MRE11: variants seen among roughly 807,000 people sequenced by gnomAD.
MRE11 encodes the protein double-strand break repair protein MRE11.
In MRE11, 62 loss-of-function variants were observed where a neutral mutation model predicts 91.7. The observed-to-expected ratio is 0.68, with a 90% CI of 0.55 to 0.84. The LOEUF (loss-of-function observed/expected upper bound fraction) is 0.84. Ranked by LOEUF, MRE11 falls within the 40% of genes least tolerant of loss-of-function variation. The pLI, the probability that MRE11 is intolerant of heterozygous loss-of-function variation, is 0.00. For synonymous variants in MRE11, 273 were observed against 271.4 expected (o/e 1.01, Z -0.06); for missense variants, 796 against 852.9 (o/e 0.93, Z 0.83).
the MRE11 span, among the ~76,000 whole-genome samples, chr11:94,502,195 C>T: frequency 1.3e-5 from 2 of 152,218 alleles, no homozygotes; most frequent in Non-Finnish European, 2.9e-5. Context: ...AGAACTTACA[C>T]GGATTGCCCA....
intron 4 of MRE11, 69 bp downstream of exon 4, chr11:94,485,855 G>A: frequency 1.4e-6 from 2 of 1,460,574 alleles, no homozygotes; most frequent in Non-Finnish European, 1.9e-6. Context: ...ACAGTTGTGT[G>A]TTTACGTGTC....
At chr11:94,439,198 G>T (rs955861450) in intron 16 of MRE11, among the ~76,000 whole-genome samples, 1 of 151,978 alleles carries the variant, frequency 6.6e-6, no homozygotes, top group Non-Finnish European at 1.5e-5. Flanking sequence ...CAGAGATCTA[G>T]AAGTTACAGT....
At chr11:94,421,939 T>A (rs1945181939) in intron 19 of MRE11, among the ~76,000 whole-genome samples, 1 of 152,164 alleles carries the variant, frequency 6.6e-6, no homozygotes, top group Non-Finnish European at 1.5e-5. Flanking sequence ...GGGATATAGA[T>A]TTTCAGTTTT....
chr11:94,419,454 G>A lies in MRE11; in HGVS notation c.*671C>T, dbSNP rs538218500. On this transcript the variant is annotated 3_prime_UTR_variant, in exon 20 of 20. Transcript: ENST00000323929. ...AAAGGAGAAAGGAAGAGTGGGGAAC[G>A]GGGGGGAGAGGGAGAGAGAGAGAGA... 2.3e-4 allele frequency: 52 copies of A among 223,048 alleles called. No individual in the cohort carries two copies. The highest frequency in any genetic ancestry group is 3.9e-4 in the Non-Finnish European group (45 of 114,592). 13.8% of individuals were successfully genotyped at this position (223,048 alleles called of 1,614,324 possible).
chr11:94,435,984 A>C, intron 17 of MRE11, 85 bp from the exon 18 acceptor site: 1 of 1,242,360 alleles, frequency 8.0e-7, no homozygotes, highest in South Asian at 1.2e-5. Flanking sequence ...TTACACGATT[A>C]AATCTTAAGT....
rs192283527 is a variant in MRE11 at position 94,424,706 on chromosome 11, A to G, written c.2071-4525T>C. Among the ~76,000 whole-genome samples the G allele has an allele frequency of 3.5e-3, 526 of 152,358 alleles. 3 individuals are homozygous for G. Among genetic ancestry groups the G allele is most frequent in the Middle Eastern group, 0.01 (3 of 294 alleles). ...CTACAAGGATTTCATAATACAACTG[A>G]AAGTATTAACAACATAACAGACCAA... On this transcript the variant is annotated intron_variant, in intron 19 of 19. Coordinates refer to ENST00000323929, the MANE Select transcript of MRE11 (RefSeq NM_005591.4).
chr11:94,488,686 G>C (rs917018172), intron 3 of MRE11, among the ~76,000 whole-genome samples: 1 of 152,136 alleles, frequency 6.6e-6, no homozygotes, highest in East Asian at 1.9e-4. Flanking sequence ...ATCATCCTTA[G>C]CAAACTAATG....
chr11:94,466,037 T>C (rs1946552044), intron 10 of MRE11, among the ~76,000 whole-genome samples: 1 of 152,098 alleles, frequency 6.6e-6, no homozygotes, highest in Admixed American at 6.5e-5. Context: ...GAAAGGCTTC[T>C]TTGAAGACAG....
At chr11:94,451,087 C>A (rs545172649) in intron 14 of MRE11, among the ~76,000 whole-genome samples, 3 of 151,814 alleles carry the variant, frequency 2.0e-5, no homozygotes, top group East Asian at 3.9e-4. Context: ...GAGTTAGAGA[C>A]CAGCCTGGGC....
At chr11:94,450,554 AATC>A (rs1183733723) in intron 14 of MRE11, among the ~76,000 whole-genome samples, 4 of 152,168 alleles carry the variant, frequency 2.6e-5, no homozygotes, top group Non-Finnish European at 4.4e-5. Context: ...CACACTGTCT[AATC>A]ATCATGCAAT....
intron 19 of MRE11, among the ~76,000 whole-genome samples, chr11:94,428,906 A>G (rs1375242522): frequency 6.6e-6 from 1 of 152,138 alleles, no homozygotes; most frequent in African/African-American, 2.4e-5. Flanking sequence ...GTAAACAAAA[A>G]GCCTACAGAA....
the MRE11 span, among the ~76,000 whole-genome samples, chr11:94,505,989 G>A: frequency 2.6e-5 from 4 of 152,210 alleles, no homozygotes; most frequent in Admixed American, 2.6e-4. Flanking sequence ...GCCTAAGTGT[G>A]TAGTAGGCTG....
At position 94,415,852 on chromosome 11, in the gene MRE11, C is replaced by G. The variant is rs1226275406; in HGVS notation, c.*4273G>C. ...TTGAGACAGAGTCTTGCTCTGTTGCCCAGGCTGGAGTGCAATGGCGTGATA... is the reference window on the plus strand; with the variant it reads ...TTGAGACAGAGTCTTGCTCTGTTGCGCAGGCTGGAGTGCAATGGCGTGATA... On this transcript the variant is annotated 3_prime_UTR_variant, in exon 20 of 20. Coordinates refer to ENST00000323929, the MANE Select transcript of MRE11 (RefSeq NM_005591.4). The G allele has an allele frequency of 6.6e-6, 1 of 152,216 alleles. No individual in the cohort carries two copies. The highest frequency in any genetic ancestry group is 1.5e-5 in the Non-Finnish European group (1 of 68,098). 9.4% of individuals were successfully genotyped at this position (152,216 alleles called of 1,614,324 possible).
At chr11:94,467,133 T>G (rs977281235) in intron 10 of MRE11, among the ~76,000 whole-genome samples, 2 of 152,160 alleles carry the variant, frequency 1.3e-5, no homozygotes, top group East Asian at 3.8e-4. Context: ...TTAAGAGAGA[T>G]ATAGGTTATA....
chr11:94,470,446 C>T lies in MRE11; in HGVS notation c.1017+25G>A, dbSNP rs767742767. On this transcript the variant is annotated intron_variant, in intron 9 of 19. Coordinates refer to ENST00000323929, the MANE Select transcript of MRE11 (RefSeq NM_005591.4). ...ATAATTCTTCAACTAAAGTAGATCT[C>T]ATTGACTTTATCAAAAAGAATTACC... 4 of 1,605,414 alleles carry T rather than the reference C, an allele frequency of 2.5e-6. No individual in the cohort carries two copies. In the East Asian group the frequency reaches 6.7e-5, roughly 27 times the overall value.
At chr11:94,500,447 G>T in the MRE11 span, among the ~76,000 whole-genome samples, 1 of 152,202 alleles carries the variant, frequency 6.6e-6, no homozygotes, top group African/African-American at 2.4e-5. Flanking sequence ...TCTGTGCACA[G>T]AAGGCAGTCA....
intron 18 of MRE11, among the ~76,000 whole-genome samples, chr11:94,433,386 C>T (rs1276790030): frequency 2.0e-5 from 3 of 152,248 alleles, no homozygotes; most frequent in Non-Finnish European, 2.9e-5. Flanking sequence ...GCATGATTTA[C>T]CCTGTGTCTC....
At chr11:94,505,641 G>A in the MRE11 span, among the ~76,000 whole-genome samples, 4 of 152,078 alleles carry the variant, frequency 2.6e-5, no homozygotes, top group Non-Finnish European at 5.9e-5. Context: ...ATTGAAGAAA[G>A]AAAAATATGT....
upstream of MRE11, chr11:94,497,769 T>C (rs570268657): frequency 5.6e-5 from 16 of 284,220 alleles, no homozygotes; most frequent in Admixed American, 1.4e-4. Flanking sequence ...GCCTATGTTA[T>C]TCATTGGACT....
Sources: gnomAD v4.1 joint callset for allele counts (sites outside exome capture counted in the v4.1 genomes callset) on GRCh38, gnomAD v4.1.1 for gene constraint, MANE v1.5 for transcripts, NCBI Gene and HGNC (gene_info 2026-07-23, HGNC 2026-07-21) for gene names.